ADGRG2: variants seen among roughly 807,000 people sequenced by gnomAD.
ADGRG2 encodes the protein G protein-coupled receptor 64.
ADGRG2 carries 26 observed loss-of-function variants against 74.1 expected under a neutral mutation model. That is an observed-to-expected ratio of 0.35 (90% CI 0.26 to 0.49). The LOEUF (loss-of-function observed/expected upper bound fraction) is 0.49. Among genes scored for constraint, ADGRG2 ranks in the 20% least tolerant of loss-of-function variants. The pLI is 0.99. For synonymous variants in ADGRG2, 296 were observed against 295.2 expected (o/e 1.00, Z -0.03); for missense variants, 619 against 763.1 (o/e 0.81, Z 2.22).
chrX:19,034,358 C>A (rs1198317338), intron 7 of ADGRG2: 1 of 111,828 alleles, frequency 8.9e-6, no homozygotes, highest in Admixed American at 9.5e-5. Context: ...GAAGCAGGTA[C>A]AGAAATCTTT....
At chrX:19,036,587 C>T (rs2060944805) in intron 6 of ADGRG2, among the ~76,000 whole-genome samples, 2 of 102,736 alleles carry the variant, frequency 1.9e-5, no homozygotes, top group African/African-American at 7.1e-5. Flanking sequence ...TAGGAAAAAA[C>T]CAAAAGGCAT....
intron 15 of ADGRG2, among the ~76,000 whole-genome samples, chrX:19,016,852 A>C (rs2060482308): frequency 9.2e-6 from 1 of 108,365 alleles, no homozygotes; most frequent in Non-Finnish European, 1.9e-5. Context: ...TCAGTCTCCC[A>C]AGCAGCTGGG....
chrX:19,072,153 T>G, intron 2 of ADGRG2, among the ~76,000 whole-genome samples: 1 of 94,101 alleles, frequency 1.1e-5, no homozygotes. Flanking sequence ...CCTTAAAACA[T>G]TATGAGTTTT....
At chrX:19,023,286 C>A in intron 13 of ADGRG2, 130 bp downstream of exon 13, 1 of 421,424 alleles carries the variant, frequency 2.4e-6, no homozygotes. Context: ...ATATTTAAAT[C>A]CAAAATGTCA....
intron 28 of ADGRG2, 77 bp from the exon 29 acceptor site, chrX:18,991,125 C>T: frequency 2.0e-6 from 1 of 497,777 alleles, no homozygotes; most frequent in Non-Finnish European, 3.2e-6. Context: ...TTAGACATTG[C>T]TTTATTCTTA....
chrX:19,013,562 G>A (rs750315481), intron 16 of ADGRG2, 124 bp downstream of exon 16: 2 of 571,037 alleles, frequency 3.5e-6, no homozygotes, highest in South Asian at 3.5e-5. Context: ...TAAGTCATTA[G>A]AACGTTAGAA....
Position 19,046,330 on chromosome X carries a change from G to T in ADGRG2, c.119-6106C>A, listed in dbSNP as rs1601980769. Among the ~76,000 whole-genome samples the T allele has an allele frequency of 3.6e-5, 4 of 112,463 alleles. No homozygotes were observed. In the Admixed American group the frequency reaches 3.8e-4, roughly 11 times the overall value. ...GCATGCCCTGGTTACAAAAGCTGAT[G>T]GAGCTGGCTCTCTCCTCTTTATATC... is the stretch of plus-strand genomic sequence containing the variant. On this transcript the variant is annotated intron_variant, in intron 3 of 28. Transcript: ENST00000379869.
intron 1 of ADGRG2, among the ~76,000 whole-genome samples, chrX:19,088,791 G>A (rs1248142340): frequency 1.8e-5 from 2 of 111,982 alleles, no homozygotes; most frequent in Admixed American, 9.6e-5. Flanking sequence ...TTTCAATGAT[G>A]AGAGAAAATA....
rs147120439 is a variant in ADGRG2, at chrX:19,095,110, G to C, written c.-46-12364C>G. Among the ~76,000 whole-genome samples, 9 of 111,921 alleles carry C rather than the reference G, an allele frequency of 8.0e-5. No homozygotes were observed. In the East Asian group the frequency reaches 2.5e-3, roughly 31 times the overall value. On this transcript the variant is annotated intron_variant, in intron 1 of 28. Transcript: ENST00000379869. Reference sequence around the variant, plus strand: ...TCCTGCCTCCCGCAGGCGTCTGGACGCTGCCTTTTCCCAAATGACCCTCCA... The same window carrying C: ...TCCTGCCTCCCGCAGGCGTCTGGACCCTGCCTTTTCCCAAATGACCCTCCA...
At chrX:19,096,254 T>C (rs781532146) in intron 1 of ADGRG2, among the ~76,000 whole-genome samples, 3 of 107,856 alleles carry the variant, frequency 2.8e-5, no homozygotes, top group African/African-American at 1.0e-4. Context: ...CTACCAAAAA[T>C]AAAAAAATTA....
In ADGRG2 at chrX:19,031,035, C is replaced by T. The variant is rs774040017; in HGVS notation, c.307G>A (p.Val103Ile). Residue 103 changes from valine (V) to isoleucine (I), a missense_variant and splice_region_variant, in exon 9 of 29, where the codon GTC becomes ATC. Around this residue, in one of 3 missense-constraint regions of ADGRG2, gnomAD observed 292 missense variants for 318.0 expected, o/e 0.92. Coordinates refer to ENST00000379869, the MANE Select transcript of ADGRG2 (RefSeq NM_001079858.3). The part of the protein sequence containing the change: ...TIVKTFNASG[V>I]KPQRNICNLS... The stretch of plus-strand genomic sequence containing the variant: ...TTGCAGATATTTCTCTGGGGTTTGA[C>T]GCCTGCAAAGAAAACACAACCCAGC... The T allele has an allele frequency of 8.4e-6, 10 of 1,187,284 alleles. No homozygotes were observed. The South Asian group carries it at 1.2e-4, about 15-fold the overall frequency.
At chrX:19,070,798 GC>G (rs2061641584) in intron 2 of ADGRG2, among the ~76,000 whole-genome samples, 1 of 111,964 alleles carries the variant, frequency 8.9e-6, no homozygotes, top group African/African-American at 3.2e-5. Flanking sequence ...TCCCAACTTG[GC>G]CCCATAATAT....
intron 18 of ADGRG2, 50 bp downstream of exon 18, chrX:19,009,576 T>A: frequency 9.3e-7 from 1 of 1,072,977 alleles, no homozygotes; most frequent in Non-Finnish European, 1.3e-6. Flanking sequence ...CAATGGGGAC[T>A]ACAATCACAC....
chrX:19,037,068 A>G (rs1355422491), intron 6 of ADGRG2, among the ~76,000 whole-genome samples: 2 of 112,157 alleles, frequency 1.8e-5, no homozygotes, highest in Non-Finnish European at 3.8e-5. Flanking sequence ...ATCTGTAAAA[A>G]GGCTGTCTTT....
At chrX:19,011,703 C>G (rs112741448) in intron 16 of ADGRG2, among the ~76,000 whole-genome samples, 2,879 of 111,445 alleles carry the variant, frequency 0.026, 43 homozygotes, top group African/African-American at 0.066. Context: ...AAATTAGCCA[C>G]GTGTGGTGGC....
At chrX:19,059,531 A>C (rs2061453193) in intron 3 of ADGRG2, among the ~76,000 whole-genome samples, 1 of 111,228 alleles carries the variant, frequency 9.0e-6, no homozygotes, top group African/African-American at 3.3e-5. Flanking sequence ...GACCTACAGG[A>C]GTGTCCAGTT....
At chrX:19,122,309 C>T (rs985065975) in intron 1 of ADGRG2, 133 bp downstream of exon 1, 17 of 112,336 alleles carry the variant, frequency 1.5e-4, no homozygotes, top group African/African-American at 4.8e-4. Flanking sequence ...GCGCGTTCGT[C>T]CCGCCGGCCC....
intron 15 of ADGRG2, 25 bp downstream of exon 15, chrX:19,019,574 A>G: frequency 1.2e-6 from 1 of 812,944 alleles, no homozygotes; most frequent in Non-Finnish European, 1.8e-6. Flanking sequence ...TTTTAAGGAG[A>G]AGGGTCAGCA....
At position 19,073,370 on chromosome X, in the gene ADGRG2, T is replaced by C. The variant is rs759964641; in HGVS notation, c.-1-4535A>G. 5.4e-5 allele frequency among the ~76,000 whole-genome samples: 6 copies of C among 111,481 alleles called. No individual in the cohort carries two copies. The East Asian group carries it at 1.7e-3, about 32-fold the overall frequency. On this transcript the variant is annotated intron_variant, in intron 2 of 28. Coordinates refer to ENST00000379869, the MANE Select transcript of ADGRG2 (RefSeq NM_001079858.3). Reference sequence around the variant, plus strand: ...TAGCAACAATTACAGAGAAAACTATTTGGTAGCATTTAAACAGTGAAACGT... The same window carrying C: ...TAGCAACAATTACAGAGAAAACTATCTGGTAGCATTTAAACAGTGAAACGT...
Sources: gnomAD v4.1 joint callset for allele counts (sites outside exome capture counted in the v4.1 genomes callset) on GRCh38, gnomAD v4.1.1 for gene constraint, gnomAD v4.1.1 regional missense constraint, MANE v1.5 for transcripts, NCBI Gene and HGNC (gene_info 2026-07-23, HGNC 2026-07-21) for gene names.